AKT1: variants seen among roughly 807,000 people sequenced by gnomAD.
AKT1 encodes the protein RAC-alpha serine/threonine-protein kinase.
A neutral mutation model predicts 63.1 loss-of-function variants in AKT1; 21 were observed. The observed-to-expected ratio is 0.33, with a 90% CI of 0.24 to 0.48. AKT1 has a LOEUF of 0.48. Among genes scored for constraint, AKT1 ranks in the 20% least tolerant of loss-of-function variants. The pLI, the probability that AKT1 is intolerant of heterozygous loss-of-function variation, is 0.99. For missense variants in AKT1, 382 were observed against 666.0 expected, an observed-to-expected ratio of 0.57 and a Z score of 4.69; for synonymous variants, 257 against 253.1, an observed-to-expected ratio of 1.02 and a Z score of -0.15.
At position 104,770,252 on chromosome 14, in the gene AKT1, C is replaced by T; in HGVS notation, c.*89G>A. ...CAGCGTGGCTTCTCTCAAATGCACC[C>T]GAGAAATAAAAACCATTAAATACAG... On this transcript the variant is annotated 3_prime_UTR_variant, in exon 15 of 15. Coordinates refer to ENST00000649815, the MANE Select transcript of AKT1 (RefSeq NM_001382430.1). 7.0e-7 allele frequency: 1 copy of T among 1,423,172 alleles called. No homozygotes were observed. Among genetic ancestry groups the T allele is most frequent in the East Asian group, 2.5e-5 (1 of 40,656 alleles). The allele number at this position is 1,423,172 out of a possible 1,614,324, so 88.2% of individuals were successfully genotyped here.
rs751976958 is a variant in AKT1, at chr14:104,770,770, C to A, written c.1338G>T (p.Met446Ile). The change falls in exon 14 of 15, where the codon ATG (methionine) becomes ATT (isoleucine). Residue 446 changes from methionine (M) to isoleucine (I), a missense_variant. Physicochemically the swap from Met to Ile is conservative, Grantham distance 10 (BLOSUM62 1). This residue lies in a region of AKT1 where 90 missense variants were observed against 120.5 expected (regional missense o/e 0.75). Coordinates refer to ENST00000649815, the MANE Select transcript of AKT1 (RefSeq NM_001382430.1). ...RYFDEEFTAQ[M>I]ITITPPDQDD... ...CTTGGTCAGGTGGTGTGATGGTGAT[C>A]ATCTGGGCCGTGAACTCCTCATCAA... 2.9e-5 allele frequency: 47 copies of A among 1,614,016 alleles called. No individual in the cohort carries two copies. Among genetic ancestry groups the A allele is most frequent in the Non-Finnish European group, 3.6e-5 (43 of 1,180,038 alleles).
At chr14:104,776,540 G>A in intron 5 of AKT1, 119 bp downstream of exon 5, 1 of 817,152 alleles carries the variant, frequency 1.2e-6, no homozygotes, top group Non-Finnish European at 1.9e-6. Flanking sequence ...AGGAGGGCCT[G>A]GGAGCACTGG....
intron 6 of AKT1, 195 bp from the exon 7 acceptor site, chr14:104,775,402 G>A: frequency 8.6e-7 from 1 of 1,164,526 alleles, no homozygotes; most frequent in Non-Finnish European, 1.2e-6. Context: ...CCAGCTCAGA[G>A]CATGGGGTTC....
At position 104,773,254 on chromosome 14, in the gene AKT1, G is replaced by T. The variant is rs746944273; in HGVS notation, c.954C>A (p.Pro318=). 1 of 1,614,166 alleles carries T rather than the reference G, an allele frequency of 6.2e-7. No homozygotes were observed. Among genetic ancestry groups the T allele is most frequent in the East Asian group, 2.2e-5 (1 of 44,884 alleles). ...TGCACGCAGGTGGGGCGCACACCTC[G>T]GGGGCCAGGTACTCAGGTGTGCCGC... The part of the protein sequence containing the change: ...TFCGTPEYLA[P]EVLEDNDYGR... Residue 318 remains proline, a synonymous_variant, in exon 11 of 15, where the codon CCC becomes CCA. Coordinates refer to ENST00000649815, the MANE Select transcript of AKT1 (RefSeq NM_001382430.1).
At position 104,775,581 on chromosome 14, in the gene AKT1, C is replaced by T. The variant is rs967660945; in HGVS notation, c.435+71G>A. The stretch of plus-strand genomic sequence containing the variant: ...AGTGTCTCCTGGGCCGAGCTGGGAC[C>T]CCATGACCCACCCAGCCCTCCACAG... On this transcript the variant is annotated intron_variant, in intron 6 of 14. Coordinates refer to ENST00000649815, the MANE Select transcript of AKT1 (RefSeq NM_001382430.1). 2.6e-5 allele frequency: 40 copies of T among 1,565,912 alleles called. No homozygotes were observed. In the African/African-American group the frequency reaches 5.4e-4, roughly 21 times the overall value.
chr14:104,783,043 G>A (rs1893145755), intron 3 of AKT1, among the ~76,000 whole-genome samples: 1 of 152,154 alleles, frequency 6.6e-6, no homozygotes, highest in African/African-American at 2.4e-5. Context: ...GGGGCAGGTG[G>A]AGGAGACAGC....
At chr14:104,771,125 TGA>T (rs1892362701) in intron 13 of AKT1, 4 of 438,270 alleles carry the variant, frequency 9.1e-6, no homozygotes, top group South Asian at 8.8e-5. Context: ...AGCCCAGCTC[TGA>T]GAGACCCTCC....
In AKT1 at chr14:104,770,168, CT is replaced by C. The variant is rs2140886845; in HGVS notation, c.*172del. 7.4e-6 allele frequency: 5 copies of C among 678,842 alleles called. No individual in the cohort carries two copies. In the East Asian group the frequency reaches 1.4e-4, roughly 18 times the overall value. The allele number at this position is 678,842 out of a possible 1,614,324, so 42.1% of individuals were successfully genotyped here. A position where few individuals can be genotyped will look rare whatever the true frequency, so the allele number is the denominator to read the frequency against. ...CAGGATAGTTTTCTTCCCTACCCCGCTGCGGGGGAGGGTGCTGCCCACAGCA... is the reference window on the plus strand; with the variant it reads ...CAGGATAGTTTTCTTCCCTACCCCGCGCGGGGGAGGGTGCTGCCCACAGCA... On this transcript the variant is annotated 3_prime_UTR_variant, in exon 15 of 15. Coordinates refer to ENST00000649815, the MANE Select transcript of AKT1 (RefSeq NM_001382430.1).
chr14:104,784,603 T>A (rs188457850), intron 3 of AKT1, among the ~76,000 whole-genome samples: 338 of 152,240 alleles, frequency 2.2e-3, no homozygotes, highest in Non-Finnish European at 4.0e-3. Context: ...GAAGTCCTCC[T>A]GGACCAAATA....
At chr14:104,775,622 G>A (rs1261731643) in intron 6 of AKT1, 30 bp downstream of exon 6, 2 of 1,610,928 alleles carry the variant, frequency 1.2e-6, no homozygotes, top group East Asian at 2.2e-5. Flanking sequence ...GGCAGCCCCA[G>A]GCACAGGCAG....
At chr14:104,773,702 G>T in intron 9 of AKT1, 122 bp from the exon 10 acceptor site, 7 of 1,417,092 alleles carry the variant, frequency 4.9e-6, no homozygotes, top group Non-Finnish European at 6.7e-6. Context: ...CCACCAGAGG[G>T]CACGGGGGCC....
intron 3 of AKT1, among the ~76,000 whole-genome samples, chr14:104,788,922 G>A (rs1244134702): frequency 6.6e-6 from 1 of 152,178 alleles, no homozygotes; most frequent in African/African-American, 2.4e-5. Flanking sequence ...TCCGTGAGCC[G>A]CATGGACACA....
chr14:104,775,025 G>T (rs377687573), intron 7 of AKT1, 22 bp from the exon 8 acceptor site: 147 of 1,613,010 alleles, frequency 9.1e-5, no homozygotes, highest in Non-Finnish European at 1.1e-4. Context: ...GGCTGGGTGA[G>T]CTGCCACCCC....
chr14:104,786,027 G>C (rs987927158), intron 3 of AKT1, among the ~76,000 whole-genome samples: 1 of 151,990 alleles, frequency 6.6e-6, no homozygotes, highest in African/African-American at 2.4e-5. Context: ...GGCCGGCAAA[G>C]GCACCCCACC....
chr14:104,790,118 C>T (rs986736534), intron 3 of AKT1, among the ~76,000 whole-genome samples: 5 of 152,238 alleles, frequency 3.3e-5, no homozygotes, highest in South Asian at 4.1e-4. Flanking sequence ...GGCACCATCA[C>T]GCCACGTGTG....
intron 3 of AKT1, among the ~76,000 whole-genome samples, chr14:104,789,538 G>A (rs757837482): frequency 2.0e-5 from 3 of 152,264 alleles, no homozygotes; most frequent in Non-Finnish European, 2.9e-5. Flanking sequence ...GCTGGAGGCC[G>A]AGTTCAGCCA....
intron 3 of AKT1, among the ~76,000 whole-genome samples, chr14:104,781,191 G>A (rs1037602324): frequency 6.6e-6 from 1 of 152,184 alleles, no homozygotes; most frequent in Non-Finnish European, 1.5e-5. Context: ...TGAACAACAG[G>A]GAACTTACTA....
intron 8 of AKT1, chr14:104,774,424 C>A (rs1349802871): frequency 4.3e-6 from 1 of 231,980 alleles, no homozygotes; most frequent in East Asian, 1.0e-4. Context: ...GGAGGACACA[C>A]CCTCCCAGGC....
intron 1 of AKT1, among the ~76,000 whole-genome samples, chr14:104,794,680 T>G (rs1893799306): frequency 6.6e-6 from 1 of 152,112 alleles, no homozygotes; most frequent in Non-Finnish European, 1.5e-5. Flanking sequence ...CGCCCTTCGC[T>G]CGGATGAGGG....
Sources: gnomAD v4.1 joint callset for allele counts (sites outside exome capture counted in the v4.1 genomes callset) on GRCh38, gnomAD v4.1.1 for gene constraint, gnomAD v4.1.1 regional missense constraint, MANE v1.5 for transcripts, NCBI Gene and HGNC (gene_info 2026-07-23, HGNC 2026-07-21) for gene names.